Variants in NBPF20 observed in about 807,000 individuals in gnomAD.
The protein encoded by NBPF20 is NBPF member 20.
A neutral mutation model predicts 68.1 loss-of-function variants in NBPF20; 90 were observed. That is an observed-to-expected ratio of 1.32 (90% CI 1.11 to 1.58). The LOEUF (loss-of-function observed/expected upper bound fraction) is 1.58, where lower values mean the gene tolerates loss of function less well. Among genes scored for constraint, NBPF20 ranks in the 40% most tolerant of loss-of-function variants. The pLI, the probability that NBPF20 is intolerant of heterozygous loss-of-function variation, is 0.00. For missense variants in NBPF20, 816 were observed against 601.2 expected (o/e 1.36, Z -3.74); for synonymous variants, 290 against 228.1 (o/e 1.27, Z -2.45).
chr1:145,417,448 A>T, the NBPF20 span, among the ~76,000 whole-genome samples: 1 of 139,586 alleles, frequency 7.2e-6, no homozygotes, highest in Middle Eastern at 3.8e-3. Flanking sequence ...CTACTAATGA[A>T]AAAAAAATTA....
chr1:145,412,291 G>T, the NBPF20 span, among the ~76,000 whole-genome samples: 8 of 152,008 alleles, frequency 5.3e-5, no homozygotes, highest in African/African-American at 1.9e-4. Context: ...AAGGCGTCCA[G>T]TTGAAAAACC....
rs1661124464 is a variant in NBPF20, at chr1:145,291,847, C to T, written c.16698-78G>A. ...GAGCCCCACTAGATTTCAGAAGTCA[C>T]ATAAGGAAGTGGTTAGAAAAGAAAA... is the stretch of plus-strand genomic sequence containing the variant. On this transcript the variant is annotated intron_variant, in intron 137 of 137. Coordinates refer to ENST00000369373, the Ensembl canonical transcript of NBPF20. 11 of 1,608,612 alleles carry T rather than the reference C, an allele frequency of 6.8e-6. 1 individual carries two copies. The South Asian group carries it at 9.9e-5, about 15-fold the overall frequency.
the NBPF20 span, among the ~76,000 whole-genome samples, chr1:145,410,698 ATATGTGTGTGTGTGTG>A: frequency 8.8e-6 from 1 of 113,010 alleles, no homozygotes; most frequent in African/African-American, 3.2e-5. Context: ...CAATATATAT[ATATGTGTGTGTGTGTG>A]TGTGTGTGTG....
intron 73 of NBPF20, among the ~76,000 whole-genome samples, chr1:145,342,822 G>A (rs1296357239): frequency 4.8e-5 from 5 of 103,984 alleles, no homozygotes; most frequent in Non-Finnish European, 9.8e-5. Flanking sequence ...CAGAGAGAAC[G>A]AGCTCAGTGA....
In NBPF20 at chr1:145,311,028, G is replaced by C. The variant is rs1388851768; in HGVS notation, c.13713-198C>G. ...AGAATGAAAGAGAAAGACAGGGAGA[G>C]GGAGGGAGAGAGAGAGAGAGAGAGA... is the stretch of plus-strand genomic sequence containing the variant. On this transcript the variant is annotated intron_variant, in intron 113 of 137. Transcript: ENST00000369373. Among the ~76,000 whole-genome samples, 12 of 86,690 alleles carry C rather than the reference G, an allele frequency of 1.4e-4. 2 individuals carry two copies. Among genetic ancestry groups the C allele is most frequent in the Non-Finnish European group, 2.6e-4 (12 of 46,308 alleles). 56.9% of individuals were successfully genotyped at this position (86,690 alleles called of 152,430 possible). A position where few individuals can be genotyped will look rare whatever the true frequency, so the allele number is the denominator to read the frequency against.
intron 129 of NBPF20, among the ~76,000 whole-genome samples, chr1:145,298,343 C>CACACACACACACAG (rs1661340106): frequency 7.0e-6 from 1 of 142,014 alleles, no homozygotes; most frequent in Non-Finnish European, 1.5e-5. Flanking sequence ...CACACACACA[C>CACACACACACACAG]ACACACACAC....
chr1:145,396,689 G>A (rs1196634804), intron 7 of NBPF20, among the ~76,000 whole-genome samples: 2 of 149,524 alleles, frequency 1.3e-5, no homozygotes, highest in Non-Finnish European at 3.0e-5. Flanking sequence ...GAGAGTGGGA[G>A]CAATATTCAA....
chr1:145,410,042 T>C (rs1459834235), upstream of NBPF20, among the ~76,000 whole-genome samples: 6 of 152,036 alleles, frequency 3.9e-5, no homozygotes, highest in African/African-American at 1.4e-4. Context: ...AGTGTGTAAA[T>C]TCCTAGGAAT....
intron 4 of NBPF20, 78 bp from the exon 10 acceptor site, chr1:145,401,209 G>C: frequency 1.6e-6 from 2 of 1,217,220 alleles, no homozygotes; most frequent in Non-Finnish European, 2.4e-6. Flanking sequence ...GTGCAACAGA[G>C]ACATGAACAT....
At position 145,292,507 on chromosome 1, in the gene NBPF20, A is replaced by T. The variant is rs199791809; in HGVS notation, c.16589-18T>A. The stretch of plus-strand genomic sequence containing the variant: ...TTCAATTTCTGCAATAAATTCAGAC[A>T]TGGACAGACACATTAAGCTGATTCC... On this transcript the variant is annotated intron_variant, in intron 136 of 137. Transcript: ENST00000369373. The T allele has an allele frequency of 3.9e-4, 270 of 700,628 alleles. 2 individuals carry two copies. The highest frequency in any genetic ancestry group is 5.0e-4 in the South Asian group (33 of 66,036). 43.4% of individuals were successfully genotyped at this position (700,628 alleles called of 1,614,324 possible).
At chr1:145,412,193 C>T in the NBPF20 span, among the ~76,000 whole-genome samples, 1 of 151,748 alleles carries the variant, frequency 6.6e-6, no homozygotes, top group Admixed American at 6.6e-5. Flanking sequence ...GGAGGAGGTA[C>T]TGAATTACCT....
upstream of NBPF20, among the ~76,000 whole-genome samples, chr1:145,407,451 A>G (rs1206472319): frequency 1.4e-5 from 2 of 147,130 alleles, no homozygotes; most frequent in Admixed American, 1.4e-4. Context: ...ACATGTATAT[A>G]CGTGTATACA....
At position 145,292,008 on chromosome 1, in the gene NBPF20, G is replaced by C. The variant is rs587641012; in HGVS notation, c.16698-239C>G. 6.5e-4 allele frequency among the ~76,000 whole-genome samples: 98 copies of C among 149,980 alleles called. 2 individuals carry two copies. Among genetic ancestry groups the C allele is most frequent in the Admixed American group, 1.2e-3 (18 of 15,244 alleles). On this transcript the variant is annotated intron_variant, in intron 137 of 137. Coordinates refer to ENST00000369373, the Ensembl canonical transcript of NBPF20. ...ACAGAGAGAGAGAGAAAGTGACCTA[G>C]TGAATTGCCCAGGTGACATACTGGT...
upstream of NBPF20, among the ~76,000 whole-genome samples, chr1:145,407,413 ATATACATGTATACACGTATACATG>A (rs1477744751): frequency 6.8e-6 from 1 of 147,076 alleles, no homozygotes; most frequent in Non-Finnish European, 1.5e-5. Context: ...TTATACACAT[ATATACATGTATACACGTATACATG>A]TATACATGTA....
the NBPF20 span, among the ~76,000 whole-genome samples, chr1:145,423,921 A>G: frequency 6.6e-6 from 1 of 150,986 alleles, no homozygotes; most frequent in Non-Finnish European, 1.5e-5. Context: ...CAGTCTAGTA[A>G]TGCTCTATTT....
At chr1:145,393,495 C>T (rs1553662746) in intron 9 of NBPF20, among the ~76,000 whole-genome samples, 16 of 133,468 alleles carry the variant, frequency 1.2e-4, no homozygotes, top group South Asian at 2.3e-4. Flanking sequence ...ACACACAGAG[C>T]GAGCTCAGTG....
At position 145,292,609 on chromosome 1, in the gene NBPF20, G is replaced by C. The variant is rs184784533; in HGVS notation, c.16589-120C>G. 33 of 747,638 alleles carry C rather than the reference G, an allele frequency of 4.4e-5. 2 individuals are homozygous for C. The highest frequency in any genetic ancestry group is 2.8e-4 in the Admixed American group (15 of 53,582). The allele number at this position is 747,638 out of a possible 1,614,324, so 46.3% of individuals were successfully genotyped here. A position where few individuals can be genotyped will look rare whatever the true frequency, so the allele number is the denominator to read the frequency against. On this transcript the variant is annotated intron_variant, in intron 136 of 137. Transcript: ENST00000369373. ...CCCCAGCATAAGAATAGGACACTTT[G>C]AGAGATATATTTCAGGAGGCCTGAA...
At chr1:145,409,905 A>C (rs1448154668), upstream of NBPF20, among the ~76,000 whole-genome samples, 2 of 151,588 alleles carry the variant, frequency 1.3e-5, no homozygotes, top group Non-Finnish European at 1.5e-5. Flanking sequence ...TTTCCCTGTA[A>C]CCAGTTGCAG....
intron 7 of NBPF20, among the ~76,000 whole-genome samples, chr1:145,397,504 G>GAAAT (rs1401007853): frequency 2.6e-5 from 4 of 152,270 alleles, no homozygotes; most frequent in African/African-American, 9.6e-5. Flanking sequence ...AAGTGAAGGA[G>GAAAT]AAATAAATCC....
Sources: gnomAD v4.1 joint callset for allele counts (sites outside exome capture counted in the v4.1 genomes callset) on GRCh38, gnomAD v4.1.1 for gene constraint, MANE v1.5 for transcripts, NCBI Gene and HGNC (gene_info 2026-07-23, HGNC 2026-07-21) for gene names.